The following EIPR1 variants were observed in gnomAD, a reference collection of about 807,000 sequenced individuals.
EIPR1 encodes the protein EARP and GARP complex-interacting protein 1.
EIPR1 carries 25 observed loss-of-function variants against 48.1 expected under a neutral mutation model. That is an observed-to-expected ratio of 0.52 (90% CI 0.38 to 0.73). EIPR1 has a LOEUF of 0.73. EIPR1 is among the 30% of genes least tolerant of loss of function. The pLI, the probability that EIPR1 is intolerant of heterozygous loss-of-function variation, is 0.00. For synonymous variants in EIPR1, 204 were observed against 201.9 expected (o/e 1.01, Z -0.09); for missense variants, 415 against 506.2 (o/e 0.82, Z 1.73).
At chr2:3,372,649 C>T (rs1222241053) in intron 1 of EIPR1, among the ~76,000 whole-genome samples, 1 of 152,126 alleles carries the variant, frequency 6.6e-6, no homozygotes, top group Non-Finnish European at 1.5e-5. Context: ...ATAAATTCCT[C>T]AACACATACA....
intron 1 of EIPR1, among the ~76,000 whole-genome samples, chr2:3,360,312 G>A (rs1446731630): frequency 6.6e-6 from 1 of 151,922 alleles, no homozygotes; most frequent in Non-Finnish European, 1.5e-5. Context: ...GCTAAGGCAG[G>A]AGAATTGCTT....
At chr2:3,372,440 G>A (rs1224282356) in intron 1 of EIPR1, among the ~76,000 whole-genome samples, 1 of 151,528 alleles carries the variant, frequency 6.6e-6, no homozygotes, top group Non-Finnish European at 1.5e-5. Flanking sequence ...AATGAATCCA[G>A]GAGCTGGTTT....
intron 3 of EIPR1, among the ~76,000 whole-genome samples, chr2:3,268,559 C>T (rs956684829): frequency 2.0e-5 from 3 of 152,130 alleles, no homozygotes; most frequent in Admixed American, 6.5e-5. Context: ...CCACACTTAG[C>T]GCTTCTTTAT....
At chr2:3,269,276 GTCATGGCACTC>G (rs1667597312) in intron 3 of EIPR1, among the ~76,000 whole-genome samples, 2 of 124,334 alleles carry the variant, frequency 1.6e-5, no homozygotes, top group Admixed American at 8.3e-5. Context: ...ATGGCACTCA[GTCATGGCACTC>G]AGTCATGGCA....
chr2:3,364,353 T>C (rs1011361978), intron 1 of EIPR1, among the ~76,000 whole-genome samples: 16 of 152,196 alleles, frequency 1.1e-4, no homozygotes, highest in African/African-American at 3.6e-4. Context: ...AAAATTGCCA[T>C]GGACAGTGGC....
rs111163289 is a variant in EIPR1 at position 3,269,467 on chromosome 2, G to A, written c.260-12012C>T. 9.3e-3 allele frequency among the ~76,000 whole-genome samples: 648 copies of A among 69,684 alleles called. 175 individuals carry two copies. The highest frequency in any genetic ancestry group is 0.02 in the African/African-American group (332 of 16,778). The allele number at this position is 69,684 out of a possible 152,430, so 45.7% of individuals were successfully genotyped here. A position where few individuals can be genotyped will look rare whatever the true frequency, so the allele number is the denominator to read the frequency against. The stretch of plus-strand genomic sequence containing the variant: ...CCACACTCAATCATCACCACACTCA[G>A]TCATCGCACTCAGTCATCGCACTCA... On this transcript the variant is annotated intron_variant, in intron 3 of 8. Coordinates refer to ENST00000382125, the MANE Select transcript of EIPR1 (RefSeq NM_003310.5).
chr2:3,206,259 A>G (rs943733094), intron 5 of EIPR1, among the ~76,000 whole-genome samples: 6 of 152,138 alleles, frequency 3.9e-5, no homozygotes, highest in Admixed American at 1.3e-4. Context: ...GCACCAGGGG[A>G]CAGAGAAAGG....
chr2:3,194,282 G>A, intron 6 of EIPR1, 116 bp from the exon 7 acceptor site: 1 of 1,319,516 alleles, frequency 7.6e-7, no homozygotes, highest in Admixed American at 2.1e-5. Context: ...GGCCCAGGGT[G>A]CTCTCATCCC....
At chr2:3,266,482 T>C (rs189838178) in intron 3 of EIPR1, among the ~76,000 whole-genome samples, 74 of 152,332 alleles carry the variant, frequency 4.9e-4, no homozygotes, top group African/African-American at 1.6e-3. Flanking sequence ...CATGTACAGA[T>C]TGCATCGCCT....
chr2:3,345,244 C>G (rs1670364356), intron 2 of EIPR1, among the ~76,000 whole-genome samples: 1 of 152,186 alleles, frequency 6.6e-6, no homozygotes, highest in Admixed American at 6.5e-5. Flanking sequence ...GGGGAGCTGC[C>G]TCTCACTCTA....
rs755285700 is a variant in EIPR1, at chr2:3,189,394, A to G, written c.1104T>C (p.Tyr368=). 6.2e-7 allele frequency: 1 copy of G among 1,603,982 alleles called. No individual in the cohort carries two copies. Among genetic ancestry groups the G allele is most frequent in the Non-Finnish European group, 8.5e-7 (1 of 1,174,692 alleles). Residue 368 remains tyrosine (Y), a synonymous_variant, in exon 9 of 9, where the codon TAT becomes TAC. Transcript: ENST00000382125. This position sits in a 1 kb window ranked among gnomAD's most constrained non-coding sequence, Gnocchi z 4.6. ...CCCTGTTGATCACGAGCCTCCCGTC[A>G]TAGCTCAGGGAGGCAAACAGCCACG... ...ADPWLFASLS[Y]DGRLVINRVP...
At chr2:3,269,919 C>G (rs1667653611) in intron 3 of EIPR1, among the ~76,000 whole-genome samples, 1 of 152,070 alleles carries the variant, frequency 6.6e-6, no homozygotes, top group African/African-American at 2.4e-5. Context: ...CACCATCCCT[C>G]AGCTTGGGAG....
At chr2:3,268,889 GCCTA>G (rs1233470345) in intron 3 of EIPR1, among the ~76,000 whole-genome samples, 1 of 152,154 alleles carries the variant, frequency 6.6e-6, no homozygotes, top group Non-Finnish European at 1.5e-5. Flanking sequence ...ATGATACAAA[GCCTA>G]CCTATGTCAT....
At chr2:3,294,938 T>C in intron 3 of EIPR1, among the ~76,000 whole-genome samples, 3 of 43,714 alleles carry the variant, frequency 6.9e-5, no homozygotes, top group South Asian at 1.1e-3. Context: ...ATCCAGCCCA[T>C]CCTCTCTACA....
In EIPR1 at chr2:3,295,777, C is replaced by T. The variant is rs1408995331; in HGVS notation, c.260-38322G>A. On this transcript the variant is annotated intron_variant, in intron 3 of 8. Transcript: ENST00000382125. The stretch of plus-strand genomic sequence containing the variant: ...GCCCGTCCTCTCTCTGCACACACAC[C>T]CTCCATCCAGCCCATCCTCTCTACA... Among the ~76,000 whole-genome samples the T allele has an allele frequency of 6.5e-5, 9 of 137,738 alleles. 1 individual carries two copies. Among genetic ancestry groups the T allele is most frequent in the Admixed American group, 5.1e-4 (7 of 13,818 alleles). The allele number at this position is 137,738 out of a possible 152,430, so 90.4% of individuals were successfully genotyped here.
chr2:3,269,268 G>C lies in EIPR1; in HGVS notation c.260-11813C>G, dbSNP rs79105222. Among the ~76,000 whole-genome samples, 507 of 68,730 alleles carry C rather than the reference G, an allele frequency of 7.4e-3. 9 individuals are homozygous for C. The highest frequency in any genetic ancestry group is 9.5e-3 in the South Asian group (16 of 1,692). The allele number at this position is 68,730 out of a possible 152,430, so 45.1% of individuals were successfully genotyped here. A position where few individuals can be genotyped will look rare whatever the true frequency, so the allele number is the denominator to read the frequency against. ...GCACTCAGTCATCGCACTCAGTCAT[G>C]GCACTCAGTCATGGCACTCAGTCAT... On this transcript the variant is annotated intron_variant, in intron 3 of 8. Coordinates refer to ENST00000382125, the MANE Select transcript of EIPR1 (RefSeq NM_003310.5).
intron 2 of EIPR1, among the ~76,000 whole-genome samples, chr2:3,344,649 T>C (rs1461378530): frequency 2.2e-5 from 3 of 137,782 alleles, no homozygotes; most frequent in African/African-American, 8.2e-5. Flanking sequence ...TTTTTTTTTT[T>C]TTTTTTTTTT....
intron 5 of EIPR1, among the ~76,000 whole-genome samples, chr2:3,204,167 GC>G (rs1480395552): frequency 6.6e-6 from 1 of 152,194 alleles, no homozygotes; most frequent in East Asian, 1.9e-4. Context: ...GCGGGCTGTG[GC>G]CCCCCTTACT....
At chr2:3,257,158 A>C in intron 4 of EIPR1, 141 bp downstream of exon 4, 4 of 1,084,788 alleles carry the variant, frequency 3.7e-6, no homozygotes, top group Non-Finnish European at 5.1e-6. Flanking sequence ...TAAAATTAAA[A>C]ATCAAATTCT....
Sources: gnomAD v4.1 joint callset for allele counts (sites outside exome capture counted in the v4.1 genomes callset) on GRCh38, gnomAD v4.1.1 for gene constraint, Gnocchi (gnomAD v3.1) non-coding constraint, MANE v1.5 for transcripts, NCBI Gene and HGNC (gene_info 2026-07-23, HGNC 2026-07-21) for gene names.